Variants in RORA observed in about 807,000 individuals in gnomAD.
RORA encodes RAR related orphan receptor A.
Under a neutral mutation model 69.5 loss-of-function variants are expected in RORA, and 7 were observed. The ratio of observed to expected loss-of-function variants is 0.10; its 90% CI spans 0.06 to 0.19. The LOEUF is 0.19. Among genes scored for constraint, RORA ranks in the 10% least tolerant of loss-of-function variants. RORA has a pLI of 1.00. For missense variants in RORA, 457 were observed against 663.0 expected (o/e 0.69, Z 3.41); for synonymous variants, 261 against 240.8 (o/e 1.08, Z -0.78).
intron 2 of RORA, among the ~76,000 whole-genome samples, chr15:60,674,874 A>C (rs2140742334): frequency 6.6e-6 from 1 of 152,308 alleles, no homozygotes; most frequent in East Asian, 1.9e-4. Flanking sequence ...GGGAGAAAGC[A>C]GGCAGGGCAG....
At position 60,568,479 on chromosome 15, in the gene RORA, T is replaced by C. The variant is rs116861339; in HGVS notation, c.197-36628A>G. Among the ~76,000 whole-genome samples, 412 of 152,296 alleles carry C rather than the reference T, an allele frequency of 2.7e-3. 14 individuals carry two copies. The East Asian group carries it at 0.072, about 26-fold the overall frequency. The stretch of plus-strand genomic sequence containing the variant: ...TATTCTCAAGACCCAAACCTCCCTG[T>C]TTGCATACCCCGGCTCAGTGTGGTG... On this transcript the variant is annotated intron_variant, in intron 2 of 10. Transcript: ENST00000335670.
intron 2 of RORA, among the ~76,000 whole-genome samples, chr15:60,575,215 A>T (rs759416972): frequency 2.7e-4 from 41 of 152,210 alleles, no homozygotes; most frequent in Non-Finnish European, 5.1e-4. Flanking sequence ...TCCTATTCCT[A>T]TAGCAACGTC....
chr15:60,725,667 TG>T (rs770943064), intron 1 of RORA, among the ~76,000 whole-genome samples: 10 of 152,256 alleles, frequency 6.6e-5, no homozygotes, highest in Non-Finnish European at 1.5e-4. Context: ...TTATTCTTTT[TG>T]TTCTTTTTTG....
At chr15:60,892,059 C>G (rs1056894864) in intron 1 of RORA, among the ~76,000 whole-genome samples, 3 of 152,182 alleles carry the variant, frequency 2.0e-5, no homozygotes, top group Non-Finnish European at 4.4e-5. Flanking sequence ...GAGAATGATT[C>G]CGAGGCCTCA....
chr15:60,806,865 T>G (rs948103516), intron 1 of RORA, among the ~76,000 whole-genome samples: 11 of 152,288 alleles, frequency 7.2e-5, no homozygotes, highest in Non-Finnish European at 1.3e-4. Context: ...CCAGTTTTCT[T>G]TGTAGTGAGG....
intron 1 of RORA, among the ~76,000 whole-genome samples, chr15:60,798,849 C>A (rs2072537373): frequency 6.6e-6 from 1 of 151,892 alleles, no homozygotes; most frequent in Admixed American, 6.6e-5. Flanking sequence ...TGGAGGCAAG[C>A]ATGTGTAACT....
intron 1 of RORA, among the ~76,000 whole-genome samples, chr15:61,158,667 G>A (rs747410414): frequency 6.6e-6 from 1 of 152,192 alleles, no homozygotes; most frequent in African/African-American, 2.4e-5. Flanking sequence ...TCAGTTCGCA[G>A]ATGTGGTAAT....
At chr15:60,711,073 C>A (rs550335460) in intron 1 of RORA, among the ~76,000 whole-genome samples, 2 of 152,318 alleles carry the variant, frequency 1.3e-5, no homozygotes, top group Non-Finnish European at 2.9e-5. Context: ...GCTTCTCCAG[C>A]CTTGCTCTGC....
chr15:60,797,806 G>C (rs993309425), intron 1 of RORA, among the ~76,000 whole-genome samples: 26 of 152,164 alleles, frequency 1.7e-4, no homozygotes, highest in African/African-American at 5.8e-4. Context: ...TCAGCAGCTA[G>C]GTACTTCCTT....
At chr15:60,975,600 C>G (rs1246560232) in intron 1 of RORA, among the ~76,000 whole-genome samples, 1 of 152,156 alleles carries the variant, frequency 6.6e-6, no homozygotes. Flanking sequence ...ATCTGGGTCA[C>G]CTTCACTGAA....
intron 1 of RORA, among the ~76,000 whole-genome samples, chr15:60,908,608 T>C (rs1891613946): frequency 6.6e-6 from 1 of 152,190 alleles, no homozygotes; most frequent in Admixed American, 6.5e-5. Flanking sequence ...AAATCCTGTA[T>C]GTTCAGGAGC....
At chr15:60,755,337 G>C (rs913355852) in intron 1 of RORA, among the ~76,000 whole-genome samples, 6 of 151,900 alleles carry the variant, frequency 3.9e-5, no homozygotes, top group African/African-American at 1.5e-4. Flanking sequence ...CGGCTGCATA[G>C]TATTCTATGG....
rs1457748005 is a variant in RORA at position 60,488,503 on chromosome 15, A to C, written c.*8952T>G. ...GCTTGTATTTACAAAATGAATCAAA[A>C]TATTTTTTTTTTAAATTCAGGACTC... On this transcript the variant is annotated 3_prime_UTR_variant, in exon 11 of 11. Coordinates refer to ENST00000335670, the MANE Select transcript of RORA (RefSeq NM_134261.3). 6.6e-6 allele frequency: 1 copy of C among 152,192 alleles called. No individual in the cohort carries two copies. The highest frequency in any genetic ancestry group is 6.5e-5 in the Admixed American group (1 of 15,280). The allele number at this position is 152,192 out of a possible 1,614,324, so 9.4% of individuals were successfully genotyped here. A position where few individuals can be genotyped will look rare whatever the true frequency, so the allele number is the denominator to read the frequency against.
intron 2 of RORA, among the ~76,000 whole-genome samples, chr15:60,662,294 C>T (rs1366040331): frequency 1.3e-5 from 2 of 152,174 alleles, no homozygotes; most frequent in Non-Finnish European, 2.9e-5. Flanking sequence ...GTCTCATAAA[C>T]CACTAAAAAG....
chr15:61,125,819 C>T (rs936765006), intron 1 of RORA, among the ~76,000 whole-genome samples: 6 of 152,238 alleles, frequency 3.9e-5, no homozygotes, highest in Middle Eastern at 3.4e-3. Context: ...TGAATAAAAT[C>T]GGTTCCATTA....
intron 2 of RORA, among the ~76,000 whole-genome samples, chr15:60,605,813 CG>C (rs1219678951): frequency 6.6e-6 from 1 of 152,144 alleles, no homozygotes; most frequent in African/African-American, 2.4e-5. Flanking sequence ...CTGGAGATGA[CG>C]TTTTTTAAAC....
At chr15:60,778,145 C>G (rs922781) in intron 1 of RORA, among the ~76,000 whole-genome samples, 89,419 of 152,006 alleles carry the variant, frequency 0.59, 26,737 homozygotes, top group East Asian at 0.76. Context: ...AACAATTATC[C>G]AATGCTCAGT....
chr15:60,891,437 C>T (rs1350929643), intron 1 of RORA, among the ~76,000 whole-genome samples: 1 of 152,184 alleles, frequency 6.6e-6, no homozygotes, highest in Non-Finnish European at 1.5e-5. Context: ...CAGGGAGACC[C>T]TCAGGTCAAG....
chr15:61,048,022 G>A, intron 1 of RORA, among the ~76,000 whole-genome samples: 1 of 152,126 alleles, frequency 6.6e-6, no homozygotes, highest in East Asian at 1.9e-4. Context: ...TTTAGATATG[G>A]CTTTGGAAAA....
Sources: allele counts gnomAD v4.1 joint callset (sites outside exome capture counted in the v4.1 genomes callset), GRCh38; gene constraint gnomAD v4.1.1; transcripts MANE v1.5; gene names NCBI Gene and HGNC (gene_info 2026-07-23, HGNC 2026-07-21).